Variants in DMXL1 observed in about 807,000 individuals in gnomAD.
DMXL1 encodes dmX-like protein 1.
A neutral mutation model predicts 319.2 loss-of-function variants in DMXL1; 99 were observed. That is an observed-to-expected ratio of 0.31 (90% CI 0.26 to 0.37). DMXL1 has a LOEUF of 0.37. Among genes scored for constraint, DMXL1 ranks in the 10% least tolerant of loss-of-function variants. The probability of loss-of-function intolerance (pLI) is 1.00; values close to 1 mark genes in which losing one functional copy is unlikely to be tolerated. For missense variants in DMXL1, 3,745 were observed against 3,595.6 expected, an observed-to-expected ratio of 1.04 and a Z score of -1.06; for synonymous variants, 1,385 against 1,235.2, an observed-to-expected ratio of 1.12 and a Z score of -2.54.
chr5:119,188,362 G>A (rs1778122980), intron 28 of DMXL1, among the ~76,000 whole-genome samples: 1 of 151,972 alleles, frequency 6.6e-6, no homozygotes, highest in Admixed American at 6.6e-5. Context: ...TGAGTCAAGG[G>A]ATTAAATCCA....
intron 27 of DMXL1, 113 bp from the exon 28 acceptor site, chr5:119,177,882 AC>A (rs1210011790): frequency 1.1e-6 from 1 of 906,336 alleles, no homozygotes; most frequent in Non-Finnish European, 1.6e-6. Context: ...GGAAGAAAAT[AC>A]AGTATTAACT....
intron 33 of DMXL1, among the ~76,000 whole-genome samples, chr5:119,206,200 C>G (rs906174577): frequency 1.3e-5 from 2 of 151,936 alleles, no homozygotes; most frequent in African/African-American, 4.8e-5. Context: ...CTTGACAACT[C>G]CCATCATTGT....
At chr5:119,243,486 C>T (rs1490517033) in intron 42 of DMXL1, among the ~76,000 whole-genome samples, 1 of 152,102 alleles carries the variant, frequency 6.6e-6, no homozygotes, top group Admixed American at 6.5e-5. Context: ...CAATATTCTC[C>T]TTGAGCTATA....
At chr5:119,097,779 A>T (rs1373014684) in intron 1 of DMXL1, among the ~76,000 whole-genome samples, 200 bp from the exon 2 acceptor site, 5 of 152,196 alleles carry the variant, frequency 3.3e-5, no homozygotes, top group African/African-American at 1.2e-4. Flanking sequence ...GAAAGGACTG[A>T]CAGAATTTGC....
intron 1 of DMXL1, among the ~76,000 whole-genome samples, chr5:119,073,284 C>T (rs1342461081): frequency 1.3e-5 from 2 of 152,060 alleles, no homozygotes; most frequent in Non-Finnish European, 2.9e-5. Flanking sequence ...CTGGTCTTGA[C>T]TTCCTGGGCT....
At chr5:119,135,443 C>T (rs571254647) in intron 13 of DMXL1, among the ~76,000 whole-genome samples, 9 of 152,134 alleles carry the variant, frequency 5.9e-5, no homozygotes, top group Admixed American at 2.0e-4. Context: ...GAACTAGATA[C>T]GTAGATATTT....
chr5:119,107,927 A>G (rs925381695), intron 4 of DMXL1, among the ~76,000 whole-genome samples: 4 of 152,180 alleles, frequency 2.6e-5, no homozygotes, highest in African/African-American at 7.2e-5. Context: ...TTAAACCTCA[A>G]ATTTTATAGA....
chr5:119,093,343 C>T (rs1176979993), intron 1 of DMXL1, among the ~76,000 whole-genome samples: 5 of 152,106 alleles, frequency 3.3e-5, no homozygotes. Context: ...ACCATGTTGG[C>T]CAGGCTGGTC....
At chr5:119,233,538 T>G in intron 39 of DMXL1, 71 bp downstream of exon 39, 1 of 1,401,672 alleles carries the variant, frequency 7.1e-7, no homozygotes. Flanking sequence ...TAGTTTGGGT[T>G]TCTGAAAAGA....
At chr5:119,244,338 T>C (rs1397510501) in intron 42 of DMXL1, 21 bp from the exon 43 acceptor site, 1 of 1,579,192 alleles carries the variant, frequency 6.3e-7, no homozygotes, top group Non-Finnish European at 8.6e-7. Context: ...TGTTTTTGTT[T>C]TTTTTTTAAT....
chr5:119,242,055 T>C (rs1020602654), intron 42 of DMXL1, among the ~76,000 whole-genome samples: 3 of 152,254 alleles, frequency 2.0e-5, no homozygotes, highest in African/African-American at 7.2e-5. Context: ...AATTTAACTT[T>C]TTGTAATTTG....
chr5:119,153,164 A>C (rs890390538), intron 19 of DMXL1, among the ~76,000 whole-genome samples: 2 of 152,080 alleles, frequency 1.3e-5, no homozygotes, highest in African/African-American at 4.8e-5. Flanking sequence ...TTTAATAGAG[A>C]TGGGGTTTCA....
At chr5:119,194,407 CTG>C (rs1449527574) in intron 30 of DMXL1, among the ~76,000 whole-genome samples, 5 of 152,208 alleles carry the variant, frequency 3.3e-5, no homozygotes, top group Non-Finnish European at 5.9e-5. Context: ...AAAAAGTACT[CTG>C]TATGTCATAC....
rs546875535 is a variant in DMXL1, at chr5:119,162,576, G to T, written c.4703-1931G>T. ...TTATAAGGATGTTAATCCCATTCAC[G>T]AGGGCAATGGCTAGTTATCTCCTTA... On this transcript the variant is annotated intron_variant, in intron 19 of 43. Transcript: ENST00000539542. Among the ~76,000 whole-genome samples the T allele has an allele frequency of 7.2e-5, 11 of 152,236 alleles. No individual in the cohort carries two copies. The South Asian group carries it at 2.3e-3, about 32-fold the overall frequency.
At chr5:119,071,780 C>A (rs1359528448) in intron 1 of DMXL1, 124 bp downstream of exon 1, 6 of 817,970 alleles carry the variant, frequency 7.3e-6, no homozygotes, top group Non-Finnish European at 1.1e-5. Flanking sequence ...TCCTTACCAC[C>A]CAGAACCCAG....
chr5:119,124,463 C>G (rs1763036954), intron 9 of DMXL1, among the ~76,000 whole-genome samples: 1 of 151,694 alleles, frequency 6.6e-6, no homozygotes, highest in Non-Finnish European at 1.5e-5. Flanking sequence ...TTAGAATTAG[C>G]TCATTAAAGA....
At position 119,170,289 on chromosome 5, in the gene DMXL1, C is replaced by T. The variant is rs774596861; in HGVS notation, c.5498C>T (p.Thr1833Ile). ...AGACGTCATTTTGGATCATCTGATA[C>T]ATTTTCCACACATATGAGCCTAACA... ...LLRRHFGSSD[T>I]FSTHMSLTGK... The change falls in exon 24 of 44, where the codon ACA becomes ATA. Residue 1833 changes from threonine to isoleucine, a missense_variant. Coordinates refer to ENST00000539542, the MANE Select transcript of DMXL1 (RefSeq NM_001290321.3). 3.7e-6 allele frequency: 6 copies of T among 1,613,728 alleles called. No individual in the cohort carries two copies. Among genetic ancestry groups the T allele is most frequent in the Non-Finnish European group, 5.1e-6 (6 of 1,179,944 alleles).
At chr5:119,073,776 G>T (rs184879502) in intron 1 of DMXL1, among the ~76,000 whole-genome samples, 65 of 152,250 alleles carry the variant, frequency 4.3e-4, no homozygotes, top group African/African-American at 1.6e-3. Context: ...TTTGCAGCCT[G>T]TTCATCCTTG....
Position 119,133,842 on chromosome 5 carries a change from C to G in DMXL1, c.1918C>G (p.Leu640Val), listed in dbSNP as rs1267345234. The change falls in exon 12 of 44, where the codon CTT becomes GTT. Residue 640 changes from leucine (L) to valine (V), a missense_variant. This residue lies in a region of DMXL1 where 2,096 missense variants were observed against 1,985.4 expected (regional missense o/e 1.06). Coordinates refer to ENST00000539542, the MANE Select transcript of DMXL1 (RefSeq NM_001290321.3). ...KSRYCGHRFH[L>V]NDLACHSVLP... ...CAGATATTGTGGTCATCGTTTTCAT[C>G]TTAATGATTTAGCTTGCCACTCAGT... The G allele has an allele frequency of 4.3e-6, 7 of 1,614,040 alleles. No homozygotes were observed. In the Admixed American group the frequency reaches 5.0e-5, roughly 12 times the overall value.
Sources: allele counts gnomAD v4.1 joint callset (sites outside exome capture counted in the v4.1 genomes callset), GRCh38; gene constraint gnomAD v4.1.1; regional missense constraint gnomAD v4.1.1; transcripts MANE v1.5; gene names NCBI Gene and HGNC (gene_info 2026-07-23, HGNC 2026-07-21).